The following NRXN1 variants were observed in gnomAD, a reference collection of about 807,000 sequenced individuals.
The protein encoded by NRXN1 is neurexin-1.
A neutral mutation model predicts 150.9 loss-of-function variants in NRXN1; 39 were observed. That is an observed-to-expected ratio of 0.26 (90% CI 0.20 to 0.34). The LOEUF (loss-of-function observed/expected upper bound fraction) is 0.34, where lower values mean the gene tolerates loss of function less well. Among genes scored for constraint, NRXN1 ranks in the 10% least tolerant of loss-of-function variants. The pLI is 1.00. For missense variants in NRXN1, 1,815 were observed against 1,949.9 expected, an observed-to-expected ratio of 0.93 and a Z score of 1.30; for synonymous variants, 924 against 757.0, an observed-to-expected ratio of 1.22 and a Z score of -3.62.
At chr2:49,993,180 C>T (rs995515389) in intron 21 of NRXN1, among the ~76,000 whole-genome samples, 14 of 151,904 alleles carry the variant, frequency 9.2e-5, no homozygotes, top group Non-Finnish European at 1.6e-4. Context: ...GGTAAGTAAA[C>T]GGGTAAATAA....
chr2:50,251,654 T>G (rs2067098581), intron 17 of NRXN1, among the ~76,000 whole-genome samples: 1 of 152,158 alleles, frequency 6.6e-6, no homozygotes, highest in Non-Finnish European at 1.5e-5. Flanking sequence ...ACCAACAGTG[T>G]AAAAGCATTC....
chr2:50,949,151 T>C (rs1690878096), intron 2 of NRXN1, among the ~76,000 whole-genome samples: 1 of 152,096 alleles, frequency 6.6e-6, no homozygotes, highest in African/African-American at 2.4e-5. Context: ...CACTATTTTG[T>C]CCAATTCACT....
At chr2:50,176,734 A>G (rs1235156776) in intron 18 of NRXN1, among the ~76,000 whole-genome samples, 2 of 152,138 alleles carry the variant, frequency 1.3e-5, no homozygotes, top group African/African-American at 2.4e-5. Flanking sequence ...TTGAGAAAAC[A>G]TCACTTGTCC....
intron 5 of NRXN1, among the ~76,000 whole-genome samples, chr2:50,623,986 C>T (rs1419095933): frequency 6.6e-6 from 1 of 151,976 alleles, no homozygotes; most frequent in African/African-American, 2.4e-5. Context: ...TTCCTGTGTT[C>T]ATGTGTTCTC....
intron 5 of NRXN1, among the ~76,000 whole-genome samples, chr2:50,660,524 T>C (rs1420060527): frequency 3.3e-5 from 5 of 152,030 alleles, no homozygotes; most frequent in African/African-American, 1.2e-4. Flanking sequence ...TTAATCTGTT[T>C]TGGTTTTTAG....
chr2:50,361,814 C>T (rs2079227307), intron 17 of NRXN1, among the ~76,000 whole-genome samples: 1 of 152,118 alleles, frequency 6.6e-6, no homozygotes, highest in Non-Finnish European at 1.5e-5. Context: ...AATTTCAGGC[C>T]AATATCCCTG....
chr2:50,471,425 A>G (rs1468145723), intron 16 of NRXN1, among the ~76,000 whole-genome samples: 2 of 151,830 alleles, frequency 1.3e-5, no homozygotes, highest in Admixed American at 6.6e-5. Context: ...GTTGCTACAA[A>G]AGACATTATT....
intron 12 of NRXN1, among the ~76,000 whole-genome samples, chr2:50,516,769 T>A (rs1290025438): frequency 6.6e-6 from 1 of 150,406 alleles, no homozygotes; most frequent in Non-Finnish European, 1.5e-5. Context: ...TTTTTTTTAA[T>A]AAGCAAAGAG....
intron 21 of NRXN1, among the ~76,000 whole-genome samples, chr2:49,958,855 C>G (rs1675434347): frequency 6.6e-6 from 1 of 152,124 alleles, no homozygotes; most frequent in African/African-American, 2.4e-5. Context: ...CAATTTGCCC[C>G]TTCGGATCTG....
chr2:50,019,270 A>AT (rs1558704649), intron 21 of NRXN1: 2 of 471,510 alleles, frequency 4.2e-6, no homozygotes, highest in Middle Eastern at 3.2e-4. Context: ...CCTGTTCTCC[A>AT]TAAGTTTGAA....
At chr2:51,019,928 C>G (rs1331697953) in intron 2 of NRXN1, among the ~76,000 whole-genome samples, 1 of 151,910 alleles carries the variant, frequency 6.6e-6, no homozygotes. Flanking sequence ...ATATATGTTA[C>G]AAATATTTGA....
chr2:50,359,833 A>G (rs2079066199), intron 17 of NRXN1, among the ~76,000 whole-genome samples: 1 of 152,188 alleles, frequency 6.6e-6, no homozygotes, highest in Non-Finnish European at 1.5e-5. Context: ...AAATGAAGGA[A>G]AAAATGTCAA....
At chr2:50,269,763 A>C (rs1266564107) in intron 17 of NRXN1, among the ~76,000 whole-genome samples, 1 of 152,184 alleles carries the variant, frequency 6.6e-6, no homozygotes, top group East Asian at 1.9e-4. Flanking sequence ...GTTACAAAAA[A>C]ACAACTTTTA....
intron 5 of NRXN1, among the ~76,000 whole-genome samples, chr2:50,764,483 T>C (rs1438943217): frequency 6.6e-6 from 1 of 152,024 alleles, no homozygotes; most frequent in Non-Finnish European, 1.5e-5. Context: ...GAGTAACACA[T>C]ATTGAATACT....
chr2:50,986,694 T>A (rs1294727586), intron 2 of NRXN1, among the ~76,000 whole-genome samples: 2 of 150,680 alleles, frequency 1.3e-5, no homozygotes, highest in Non-Finnish European at 3.0e-5. Context: ...TTAAACTTTT[T>A]ATTAGCATAT....
rs1332312791 is a variant in NRXN1 at position 50,372,602 on chromosome 2, A to G, written c.3364+92840T>C. ...TCAGATTTATAAAATGAGTACAGCAAAGATGACTTAGAGTATAAAGTTTTT... is the reference window on the plus strand; with the variant it reads ...TCAGATTTATAAAATGAGTACAGCAGAGATGACTTAGAGTATAAAGTTTTT... On this transcript the variant is annotated intron_variant, in intron 17 of 22. Coordinates refer to ENST00000401669, the MANE Select transcript of NRXN1 (RefSeq NM_001330078.2). Among the ~76,000 whole-genome samples the G allele has an allele frequency of 2.0e-5, 3 of 152,142 alleles. 1 individual carries two copies. In the East Asian group the frequency reaches 5.8e-4, roughly 29 times the overall value.
chr2:50,734,732 A>G (rs1698507982), intron 5 of NRXN1, among the ~76,000 whole-genome samples: 1 of 152,132 alleles, frequency 6.6e-6, no homozygotes, highest in Admixed American at 6.6e-5. Flanking sequence ...AAATAAAGCA[A>G]ACATATACAC....
At chr2:50,796,866 TCA>T (rs1484395798) in intron 5 of NRXN1, among the ~76,000 whole-genome samples, 3 of 152,178 alleles carry the variant, frequency 2.0e-5, no homozygotes, top group Non-Finnish European at 4.4e-5. Context: ...TTTATTGTTC[TCA>T]GTTTTGGAAA....
intron 5 of NRXN1, among the ~76,000 whole-genome samples, chr2:50,921,477 G>A (rs968254394): frequency 6.6e-6 from 1 of 151,780 alleles, no homozygotes. Flanking sequence ...CACATGCTTA[G>A]ACTTATGTCT....
Sources: allele counts gnomAD v4.1 joint callset (sites outside exome capture counted in the v4.1 genomes callset), GRCh38; gene constraint gnomAD v4.1.1; transcripts MANE v1.5; gene names NCBI Gene and HGNC (gene_info 2026-07-23, HGNC 2026-07-21).